Variants in DLGAP1 observed in about 807,000 individuals in gnomAD.
The protein encoded by DLGAP1 is DLG associated protein 1.
In DLGAP1, 11 loss-of-function variants were observed where a neutral mutation model predicts 90.8. That is an observed-to-expected ratio of 0.12 (90% CI 0.08 to 0.20). The LOEUF is 0.20. DLGAP1 is among the 10% of genes least tolerant of loss of function. The pLI is 1.00. For missense variants in DLGAP1, 1,050 were observed against 1,333.8 expected (o/e 0.79, Z 3.31); for synonymous variants, 558 against 540.7 (o/e 1.03, Z -0.44).
At chr18:4,369,465 CT>C (rs946500750) in intron 1 of DLGAP1, among the ~76,000 whole-genome samples, 6 of 151,406 alleles carry the variant, frequency 4.0e-5, no homozygotes, top group Non-Finnish European at 5.9e-5. Flanking sequence ...ACTGTTATTT[CT>C]TTTTTTTTAA....
chr18:3,547,223 C>G (rs1477942618), intron 9 of DLGAP1, among the ~76,000 whole-genome samples: 1 of 150,514 alleles, frequency 6.6e-6, no homozygotes, highest in Non-Finnish European at 1.5e-5. Context: ...ATGGCTTGAA[C>G]CCCCGGGGGC....
At chr18:3,992,398 C>G (rs1742387076) in intron 3 of DLGAP1, among the ~76,000 whole-genome samples, 1 of 152,158 alleles carries the variant, frequency 6.6e-6, no homozygotes, top group Admixed American at 6.5e-5. Flanking sequence ...GGAGTCTCAG[C>G]TGGGTACGGT....
intron 1 of DLGAP1, among the ~76,000 whole-genome samples, chr18:4,329,632 G>A (rs1363803216): frequency 1.3e-5 from 2 of 151,772 alleles, no homozygotes; most frequent in Non-Finnish European, 2.9e-5. Context: ...CTGTGAAAAG[G>A]GAATATCTCT....
chr18:4,192,132 C>T (rs151104515), intron 1 of DLGAP1, among the ~76,000 whole-genome samples: 367 of 152,164 alleles, frequency 2.4e-3, no homozygotes, highest in African/African-American at 8.2e-3. Context: ...TCATAAAAAA[C>T]GCCCTTATTT....
intron 7 of DLGAP1, among the ~76,000 whole-genome samples, chr18:3,726,603 A>C (rs891669537): frequency 1.7e-4 from 26 of 152,232 alleles, no homozygotes; most frequent in African/African-American, 6.0e-4. Flanking sequence ...TATTGGAAAA[A>C]TATCCTATGT....
intron 7 of DLGAP1, among the ~76,000 whole-genome samples, chr18:3,682,116 C>CAAAA (rs56914443): frequency 3.6e-5 from 4 of 111,946 alleles, no homozygotes; most frequent in Admixed American, 1.8e-4. Context: ...GACCCTGTCT[C>CAAAA]AAAAAAAAAA....
At chr18:3,664,183 T>TACACACACACACACACACACACAC (rs35653599) in intron 7 of DLGAP1, among the ~76,000 whole-genome samples, 2 of 135,742 alleles carry the variant, frequency 1.5e-5, no homozygotes, top group East Asian at 4.2e-4. Flanking sequence ...TGGGTCAGTA[T>TACACACACACACACACACACACAC]ACACACACAC....
intron 5 of DLGAP1, among the ~76,000 whole-genome samples, chr18:3,744,483 C>T (rs1397008615): frequency 6.6e-6 from 1 of 152,106 alleles, no homozygotes; most frequent in Non-Finnish European, 1.5e-5. Flanking sequence ...CAACAATTTT[C>T]CTGTAAAAAA....
Position 4,454,846 on chromosome 18 carries a change from C to G in DLGAP1, c.-267+160G>C, listed in dbSNP as rs1040431876. Among the ~76,000 whole-genome samples the G allele has an allele frequency of 6.6e-6, 1 of 151,268 alleles. No individual in the cohort carries two copies. The highest frequency in any genetic ancestry group is 2.4e-5 in the African/African-American group (1 of 41,316). On this transcript the variant is annotated intron_variant, in intron 1 of 12. Transcript: ENST00000315677. The surrounding 1 kb of genome is among the most constrained non-coding windows in gnomAD (Gnocchi z 4.7). ...CCCGGGCGGCTGAAAGGGTAAGGAG[C>G]GCGGACTCTCGAGCCAGCGGCCGGG...
At chr18:3,785,139 C>T (rs1167720489) in intron 5 of DLGAP1, among the ~76,000 whole-genome samples, 3 of 152,192 alleles carry the variant, frequency 2.0e-5, no homozygotes, top group Admixed American at 2.0e-4. Context: ...TTTTGAAGAA[C>T]AGGCTGTATT....
chr18:4,228,404 G>C (rs2078235704), intron 1 of DLGAP1, among the ~76,000 whole-genome samples: 1 of 151,952 alleles, frequency 6.6e-6, no homozygotes, highest in Admixed American at 6.6e-5. Context: ...GAAAACTACA[G>C]GCCAATATCC....
chr18:4,028,171 A>G (rs1026030437), intron 2 of DLGAP1, among the ~76,000 whole-genome samples: 2 of 152,232 alleles, frequency 1.3e-5, no homozygotes, highest in Admixed American at 1.3e-4. Context: ...TTGCAAAGAC[A>G]ATCTGAGGCC....
At chr18:3,948,202 G>A (rs192446970) in intron 3 of DLGAP1, among the ~76,000 whole-genome samples, 6 of 151,716 alleles carry the variant, frequency 4.0e-5, no homozygotes, top group Admixed American at 3.9e-4. Context: ...CCAGGCCAAA[G>A]ACATCCAGTT....
At chr18:3,607,897 G>C (rs62083186) in intron 7 of DLGAP1, 42,696 of 152,080 alleles carry the variant, frequency 0.28, 6,704 homozygotes, top group Non-Finnish European at 0.34. Flanking sequence ...AGGTTGGATG[G>C]GAATGTTCTG....
chr18:4,152,427 C>G (rs1161126750), intron 1 of DLGAP1, among the ~76,000 whole-genome samples: 1 of 152,028 alleles, frequency 6.6e-6, no homozygotes, highest in African/African-American at 2.4e-5. Flanking sequence ...GGTGATATGG[C>G]TCGATCAATT....
intron 2 of DLGAP1, among the ~76,000 whole-genome samples, chr18:4,143,179 G>T (rs1329214867): frequency 6.6e-6 from 1 of 152,112 alleles, no homozygotes; most frequent in Non-Finnish European, 1.5e-5. Flanking sequence ...AGCAAAGCCA[G>T]CTAGGCTCAT....
At chr18:4,377,306 G>T (rs1292593833) in intron 1 of DLGAP1, among the ~76,000 whole-genome samples, 1 of 152,106 alleles carries the variant, frequency 6.6e-6, no homozygotes, top group Non-Finnish European at 1.5e-5. Context: ...CTCAAGAAGA[G>T]AATCAAGTTC....
intron 1 of DLGAP1, among the ~76,000 whole-genome samples, chr18:4,233,770 T>C (rs1355057350): frequency 6.6e-6 from 1 of 152,148 alleles, no homozygotes; most frequent in Non-Finnish European, 1.5e-5. Flanking sequence ...TACTTTTTGA[T>C]GGAGATAGAA....
intron 1 of DLGAP1, among the ~76,000 whole-genome samples, chr18:4,171,886 A>C (rs1354922331): frequency 6.6e-6 from 1 of 152,164 alleles, no homozygotes; most frequent in Non-Finnish European, 1.5e-5. Context: ...ATTGGAAAAA[A>C]ATTACAAACT....
Sources: gnomAD v4.1 joint callset for allele counts (sites outside exome capture counted in the v4.1 genomes callset) on GRCh38, gnomAD v4.1.1 for gene constraint, Gnocchi (gnomAD v3.1) non-coding constraint, MANE v1.5 for transcripts, NCBI Gene and HGNC (gene_info 2026-07-23, HGNC 2026-07-21) for gene names.